NBPF3: variants seen among roughly 807,000 people sequenced by gnomAD.
NBPF3 encodes NBPF member 3, also known as NBPF family member NBPF3.
In NBPF3, 57 loss-of-function variants were observed where a neutral mutation model predicts 78.1. The observed-to-expected ratio is 0.73, with a 90% CI of 0.59 to 0.91. NBPF3 has a LOEUF of 0.91. Among genes scored for constraint, NBPF3 ranks in the 40% least tolerant of loss-of-function variants. The pLI, the probability that NBPF3 is intolerant of heterozygous loss-of-function variation, is 0.00. For missense variants in NBPF3, 510 were observed against 715.3 expected (o/e 0.71, Z 3.27); for synonymous variants, 182 against 271.7 (o/e 0.67, Z 3.25).
intron 6 of NBPF3, 66 bp from the exon 7 acceptor site, chr1:21,473,314 C>T: frequency 6.4e-7 from 1 of 1,555,152 alleles, no homozygotes; most frequent in Non-Finnish European, 8.9e-7. Flanking sequence ...AACCAGCTAG[C>T]ACTCCCTGGT....
rs574848676 is a variant in NBPF3, at chr1:21,452,332, C to T, written c.133+7113C>T. Among the ~76,000 whole-genome samples, 7 of 152,242 alleles carry T rather than the reference C, an allele frequency of 4.6e-5. No homozygotes were observed. In the East Asian group the frequency reaches 5.8e-4, roughly 13 times the overall value. Reference sequence around the variant, plus strand: ...CAAGAGTGTCTTATCTGAAATACCACGAGGAATGCCTGGACACAGTAGACA... The same window carrying T: ...CAAGAGTGTCTTATCTGAAATACCATGAGGAATGCCTGGACACAGTAGACA... On this transcript the variant is annotated intron_variant, in intron 2 of 14. Coordinates refer to ENST00000318249, the MANE Select transcript of NBPF3 (RefSeq NM_032264.6).
In NBPF3 at chr1:21,483,545, G is replaced by T; in HGVS notation, c.*159G>T. The T allele has an allele frequency of 3.3e-6, 1 of 302,986 alleles. No individual in the cohort carries two copies. The highest frequency in any genetic ancestry group is 6.8e-5 in the East Asian group (1 of 14,742). 18.8% of individuals were successfully genotyped at this position (302,986 alleles called of 1,614,324 possible). A position where few individuals can be genotyped will look rare whatever the true frequency, so the allele number is the denominator to read the frequency against. ...TCTCAGACCATGCCAGTGGCCACCT[G>T]TGCTCAGTCTGAAGACGTTGGACCC... On this transcript the variant is annotated 3_prime_UTR_variant, in exon 15 of 15. Transcript: ENST00000318249.
chr1:21,478,287 G>T lies in NBPF3; in HGVS notation c.1136G>T (p.Gly379Val), dbSNP rs762334807. Residue 379 changes from glycine (G) to valine (V), a missense_variant, in exon 9 of 15, where the codon GGC becomes GTC. Physicochemically the swap from Gly to Val is moderately radical, Grantham distance 109. Transcript: ENST00000318249. ...CACTCAGTAGAGGAACAGCAAGTCG[G>T]CTTGGCTCTTGACATAGGCAGTGAG... ...TFHSVEEQQV[G>V]LALDIGRHWC... 2.4e-5 allele frequency: 38 copies of T among 1,613,874 alleles called. No individual in the cohort carries two copies. Among genetic ancestry groups the T allele is most frequent in the Non-Finnish European group, 3.1e-5 (36 of 1,180,046 alleles).
At chr1:21,457,632 C>A (rs1641705706) in intron 2 of NBPF3, among the ~76,000 whole-genome samples, 1 of 152,088 alleles carries the variant, frequency 6.6e-6, no homozygotes, top group African/African-American at 2.4e-5. Context: ...GAAAATAGCA[C>A]ATGTTGGTGA....
intron 2 of NBPF3, among the ~76,000 whole-genome samples, chr1:21,451,196 A>C (rs1641290303): frequency 6.6e-6 from 1 of 152,198 alleles, no homozygotes; most frequent in Admixed American, 6.5e-5. Flanking sequence ...CATGGAATGA[A>C]TGTATCACAG....
intron 2 of NBPF3, chr1:21,446,125 G>A (rs113990283): frequency 3.9e-5 from 6 of 152,310 alleles, no homozygotes; most frequent in African/African-American, 1.2e-4. Context: ...GAGGTCCCCA[G>A]CTGCAGCTGG....
Position 21,470,724 on chromosome 1 carries a change from G to A in NBPF3, c.436G>A (p.Glu146Lys). 2.5e-6 allele frequency: 4 copies of A among 1,597,680 alleles called. No homozygotes were observed. The highest frequency in any genetic ancestry group is 1.7e-4 in the Middle Eastern group (1 of 5,914). ...EKLAEELGQA[E>K]ELRQYKVLVH... is the part of the protein sequence containing the mutation. ...GCTTGCAGAGGAGCTCGGGCAAGCTGAGGAGCTCAGGTGAGTGGGCCCCCT... is the reference window on the plus strand; with the variant it reads ...GCTTGCAGAGGAGCTCGGGCAAGCTAAGGAGCTCAGGTGAGTGGGCCCCCT... The change falls in exon 4 of 15, where the codon GAG (glutamate) becomes AAG (lysine). Residue 146 changes from glutamate (E) to lysine (K), a missense_variant. Physicochemically the swap from Glu to Lys is moderately conservative, Grantham distance 56. Coordinates refer to ENST00000318249, the MANE Select transcript of NBPF3 (RefSeq NM_032264.6).
intron 6 of NBPF3, 90 bp downstream of exon 6, chr1:21,473,005 G>A (rs187503591): frequency 1.0e-4 from 99 of 968,150 alleles, no homozygotes; most frequent in Middle Eastern, 5.2e-4. Context: ...ATGATGGGCC[G>A]AAAGCCTGCA....
chr1:21,440,930 G>GGGGTTGCT (rs1407806341), intron 1 of NBPF3: 1 of 152,314 alleles, frequency 6.6e-6, no homozygotes, highest in African/African-American at 2.4e-5. Flanking sequence ...GTTGGATTGT[G>GGGGTTGCT]GGGTTGCTGT....
chr1:21,453,016 C>T (rs1194179336), intron 2 of NBPF3, among the ~76,000 whole-genome samples: 2 of 152,284 alleles, frequency 1.3e-5, no homozygotes, highest in African/African-American at 2.4e-5. Context: ...ATATTAGTGT[C>T]ACCTAGCGTT....
intron 2 of NBPF3, among the ~76,000 whole-genome samples, chr1:21,464,076 G>A (rs1642114643): frequency 6.6e-6 from 1 of 152,186 alleles, no homozygotes; most frequent in Non-Finnish European, 1.5e-5. Flanking sequence ...CATAAAAAAA[G>A]TTAAACATAA....
At chr1:21,441,632 G>A (rs906283165) in intron 1 of NBPF3, among the ~76,000 whole-genome samples, 1 of 151,414 alleles carries the variant, frequency 6.6e-6, no homozygotes, top group African/African-American at 2.4e-5. Context: ...ACCAGAGCCC[G>A]GAAGGTTGAG....
chr1:21,474,972 G>A (rs375487131), intron 8 of NBPF3, 21 bp downstream of exon 8: 5 of 1,596,166 alleles, frequency 3.1e-6, no homozygotes, highest in Non-Finnish European at 4.3e-6. Context: ...GGAATTGTGG[G>A]CTGTTAATTC....
Position 21,470,614 on chromosome 1 carries a change from G to A in NBPF3, c.344-18G>A, listed in dbSNP as rs201492846. The A allele has an allele frequency of 2.7e-5, 43 of 1,564,994 alleles. No homozygotes were observed. The highest frequency in any genetic ancestry group is 5.4e-5 in the African/African-American group (4 of 73,884). The stretch of plus-strand genomic sequence containing the variant: ...TGTCCAGCCTTTCACTGAGGCAGGC[G>A]TGTGTGTCTTTTCTCAGACTATGAA... On this transcript the variant is annotated intron_variant, in intron 3 of 14. Transcript: ENST00000318249.
intron 10 of NBPF3, among the ~76,000 whole-genome samples, chr1:21,479,818 C>CTGTGTGTGTGTG (rs1297036233): frequency 1.6e-4 from 7 of 43,890 alleles, no homozygotes; most frequent in African/African-American, 3.2e-4. Flanking sequence ...CTCTCTCTCT[C>CTGTGTGTGTGTG]TCTGTGTGTG....
At chr1:21,474,712 T>C (rs1299867343) in intron 7 of NBPF3, among the ~76,000 whole-genome samples, 188 bp from the exon 8 acceptor site, 2 of 152,184 alleles carry the variant, frequency 1.3e-5, no homozygotes, top group African/African-American at 4.8e-5. Context: ...TTTTGGCCTG[T>C]GGGTCTGGAA....
chr1:21,441,322 C>T (rs1426510262), intron 1 of NBPF3, among the ~76,000 whole-genome samples: 2 of 151,850 alleles, frequency 1.3e-5, no homozygotes, highest in African/African-American at 2.4e-5. Context: ...TTTTTCTATT[C>T]TGAAATGCTG....
chr1:21,439,618 T>A (rs1399963070), upstream of NBPF3, among the ~76,000 whole-genome samples: 1 of 152,184 alleles, frequency 6.6e-6, no homozygotes, highest in African/African-American at 2.4e-5. Context: ...AGATGCCTAT[T>A]TTAACTTTAC....
intron 8 of NBPF3, 195 bp from the exon 9 acceptor site, chr1:21,477,949 C>A: frequency 8.4e-7 from 1 of 1,187,998 alleles, no homozygotes; most frequent in Non-Finnish European, 1.2e-6. Context: ...ACGTGCTGCC[C>A]ATTTTTGTTC....
Sources: gnomAD v4.1 joint callset for allele counts (sites outside exome capture counted in the v4.1 genomes callset) on GRCh38, gnomAD v4.1.1 for gene constraint, MANE v1.5 for transcripts, NCBI Gene and HGNC (gene_info 2026-07-23, HGNC 2026-07-21) for gene names.